DENND4C: variants seen among roughly 807,000 people sequenced by gnomAD.
DENND4C encodes the protein DENN domain-containing protein 4C.
A neutral mutation model predicts 203.0 loss-of-function variants in DENND4C; 108 were observed. That is an observed-to-expected ratio of 0.53 (90% CI 0.46 to 0.62). The LOEUF (loss-of-function observed/expected upper bound fraction) is 0.62, where lower values mean the gene tolerates loss of function less well. DENND4C is among the 20% of genes least tolerant of loss of function. The pLI, the probability that DENND4C is intolerant of heterozygous loss-of-function variation, is 0.00. For missense variants in DENND4C, 2,481 were observed against 2,301.2 expected (o/e 1.08, Z -1.60); for synonymous variants, 871 against 792.4 (o/e 1.10, Z -1.67).
At chr9:19,322,754 A>AG (rs1182989044) in intron 12 of DENND4C, among the ~76,000 whole-genome samples, 20 of 150,892 alleles carry the variant, frequency 1.3e-4, no homozygotes, top group Non-Finnish European at 2.7e-4. Context: ...AAAAAAAATA[A>AG]GGGGGCCAGT....
intron 1 of DENND4C, among the ~76,000 whole-genome samples, chr9:19,257,099 C>A (rs1028649234): frequency 1.3e-5 from 2 of 150,368 alleles, no homozygotes; most frequent in Non-Finnish European, 3.0e-5. Context: ...TATTTTGATC[C>A]AGGTGAGGTT....
rs756614591 is a variant in DENND4C, at chr9:19,300,263, G to C, written c.1243G>C (p.Glu415Gln). ...AACACTGCTGCTCTTTGTTTTACTT[G>C]AGAGTAAAATTCTGCTGCATTCTCT... is the stretch of plus-strand genomic sequence containing the variant. ...CATLLLFVLL[E>Q]SKILLHSLRP... is the part of the protein sequence containing the mutation. Residue 415 changes from glutamate to glutamine, a missense_variant, in exon 9 of 33, where the codon GAG becomes CAG. Transcript: ENST00000434457. 1.2e-6 allele frequency: 2 copies of C among 1,612,334 alleles called. No homozygotes were observed. Among genetic ancestry groups the C allele is most frequent in the Non-Finnish European group, 1.7e-6 (2 of 1,178,904 alleles).
Position 19,247,195 on chromosome 9 carries a change from G to C in DENND4C, c.-18+16362G>C, listed in dbSNP as rs145593399. On this transcript the variant is annotated intron_variant, in intron 1 of 32. Transcript: ENST00000434457. ...AGCTCCTTCTCGGTCTTATTTTCTA[G>C]CTTCTCTTTCCTCACCTGAAGTTTG... Among the ~76,000 whole-genome samples the C allele has an allele frequency of 3.0e-4, 45 of 152,080 alleles. 1 individual carries two copies. In the East Asian group the frequency reaches 7.3e-3, roughly 25 times the overall value.
At position 19,338,439 on chromosome 9, in the gene DENND4C, A is replaced by G. The variant is rs189240188; in HGVS notation, c.2881+1607A>G. On this transcript the variant is annotated intron_variant, in intron 20 of 32. Coordinates refer to ENST00000434457, the MANE Select transcript of DENND4C (RefSeq NM_001330640.2). ...GTAATGCTGGGTAATTGGTATAAAG[A>G]CTTCAATAGTTGGGCACAAACCTTC... Among the ~76,000 whole-genome samples, 135 of 152,216 alleles carry G rather than the reference A, an allele frequency of 8.9e-4. 1 individual carries two copies. Among genetic ancestry groups the G allele is most frequent in the Admixed American group, 6.6e-3 (101 of 15,274 alleles).
chr9:19,263,711 A>G (rs533131007), intron 1 of DENND4C, among the ~76,000 whole-genome samples: 5 of 150,288 alleles, frequency 3.3e-5, no homozygotes, highest in East Asian at 1.9e-4. Flanking sequence ...CTGAAGTGCA[A>G]TGGCACGATC....
intron 8 of DENND4C, among the ~76,000 whole-genome samples, 153 bp downstream of exon 8, chr9:19,299,440 CT>C (rs1838107154): frequency 6.6e-6 from 1 of 152,028 alleles, no homozygotes. Context: ...CTTAATGTTT[CT>C]GACTTTGGTA....
At chr9:19,235,128 C>G (rs1289322471) in intron 1 of DENND4C, among the ~76,000 whole-genome samples, 1 of 151,848 alleles carries the variant, frequency 6.6e-6, no homozygotes, top group Non-Finnish European at 1.5e-5. Flanking sequence ...CCACACCCAG[C>G]TAATTTTTGT....
chr9:19,264,169 A>G (rs1830009294), intron 1 of DENND4C, among the ~76,000 whole-genome samples: 5 of 151,968 alleles, frequency 3.3e-5, no homozygotes, highest in Admixed American at 2.6e-4. Flanking sequence ...TACTGCTTCA[A>G]TCTCATTTTG....
rs1013849027 is a variant in DENND4C at position 19,324,571 on chromosome 9, T to C, written c.1953+64T>C. ...GTTTGCCTTACCTGTGTAATTATCA[T>C]TGTTATTGTTAGTCTAGAGTGATAT... On this transcript the variant is annotated intron_variant, in intron 13 of 32. Transcript: ENST00000434457. 4 of 1,498,742 alleles carry C rather than the reference T, an allele frequency of 2.7e-6. No homozygotes were observed. The African/African-American group carries it at 5.7e-5, about 21-fold the overall frequency. 92.8% of individuals were successfully genotyped at this position (1,498,742 alleles called of 1,614,324 possible). A position where few individuals can be genotyped will look rare whatever the true frequency, so the allele number is the denominator to read the frequency against.
At chr9:19,275,755 G>A (rs1421203743) in intron 1 of DENND4C, among the ~76,000 whole-genome samples, 1 of 152,074 alleles carries the variant, frequency 6.6e-6, no homozygotes, top group East Asian at 1.9e-4. Flanking sequence ...ACAGGTGTGA[G>A]CCACCATGCC....
At chr9:19,283,229 G>A (rs1407387868) in intron 2 of DENND4C, among the ~76,000 whole-genome samples, 1 of 151,818 alleles carries the variant, frequency 6.6e-6, no homozygotes, top group African/African-American at 2.4e-5. Context: ...TGTTAGCCTA[G>A]CCCTACAGAG....
chr9:19,286,229 G>C lies in DENND4C; in HGVS notation c.306-540G>C, dbSNP rs10738533. On this transcript the variant is annotated intron_variant, in intron 2 of 32. Transcript: ENST00000434457. ...ATCAAATTGAAGATTGAATTAATCA[G>C]ATTAATTCAATTTTCATTAATCTAT... Among the ~76,000 whole-genome samples, 4 of 151,856 alleles carry C rather than the reference G, an allele frequency of 2.6e-5. No individual in the cohort carries two copies. In the South Asian group the frequency reaches 6.2e-4, roughly 24 times the overall value.
chr9:19,294,659 A>G (rs551048602), intron 5 of DENND4C, among the ~76,000 whole-genome samples: 1 of 152,352 alleles, frequency 6.6e-6, no homozygotes, highest in Admixed American at 6.5e-5. Flanking sequence ...GTATGAATGG[A>G]TACACAAAAT....
chr9:19,258,153 C>G (rs953761333), intron 1 of DENND4C, among the ~76,000 whole-genome samples: 1 of 151,868 alleles, frequency 6.6e-6, no homozygotes, highest in Non-Finnish European at 1.5e-5. Flanking sequence ...ATCTATCAAT[C>G]AAGAAGAAAT....
At chr9:19,245,286 G>A (rs937076699) in intron 1 of DENND4C, among the ~76,000 whole-genome samples, 10 of 151,446 alleles carry the variant, frequency 6.6e-5, no homozygotes, top group African/African-American at 2.2e-4. Flanking sequence ...GGCTAACAAG[G>A]TGAAACCCCG....
At chr9:19,297,155 T>C (rs191896973) in intron 6 of DENND4C, among the ~76,000 whole-genome samples, 4 of 152,348 alleles carry the variant, frequency 2.6e-5, no homozygotes, top group Admixed American at 2.6e-4. Flanking sequence ...AGAGCTGTAA[T>C]GTATTAAAGT....
intron 30 of DENND4C, among the ~76,000 whole-genome samples, chr9:19,366,236 T>C (rs980457361): frequency 2.0e-5 from 3 of 152,172 alleles, no homozygotes; most frequent in Non-Finnish European, 4.4e-5. Flanking sequence ...TGATGGAATA[T>C]AGCTGAAGTT....
chr9:19,357,074 A>G lies in DENND4C; in HGVS notation c.4884A>G (p.Glu1628=), dbSNP rs1302567038. 10 of 1,613,810 alleles carry G rather than the reference A, an allele frequency of 6.2e-6. No homozygotes were observed. Among genetic ancestry groups the G allele is most frequent in the Non-Finnish European group, 6.8e-6 (8 of 1,179,902 alleles). The part of the protein sequence containing the change: ...LEHKPVSSLA[E]PDLINFMDFP... Reference sequence around the variant, plus strand: ...ACAAACCTGTATCCAGTTTAGCAGAACCTGACTTGATCAACTTTATGGACT... The same window carrying G: ...ACAAACCTGTATCCAGTTTAGCAGAGCCTGACTTGATCAACTTTATGGACT... Residue 1628 remains glutamate (E), a synonymous_variant, in exon 27 of 33, where the codon GAA becomes GAG. Coordinates refer to ENST00000434457, the MANE Select transcript of DENND4C (RefSeq NM_001330640.2).
At chr9:19,254,515 T>A (rs1827448245) in intron 1 of DENND4C, among the ~76,000 whole-genome samples, 1 of 152,152 alleles carries the variant, frequency 6.6e-6, no homozygotes, top group South Asian at 2.1e-4. Flanking sequence ...ATAGTCTCAT[T>A]AATATGTGGA....
Sources: gnomAD v4.1 joint callset for allele counts (sites outside exome capture counted in the v4.1 genomes callset) on GRCh38, gnomAD v4.1.1 for gene constraint, MANE v1.5 for transcripts, NCBI Gene and HGNC (gene_info 2026-07-23, HGNC 2026-07-21) for gene names.